The following KCNH5 variants were observed in gnomAD, a reference collection of about 807,000 sequenced individuals.
The protein encoded by KCNH5 is potassium voltage-gated channel subfamily H member 5, also known as voltage-gated delayed rectifier potassium channel KCNH5.
Under a neutral mutation model 96.1 loss-of-function variants are expected in KCNH5, and 46 were observed. The observed-to-expected ratio is 0.48, with a 90% CI of 0.38 to 0.61. The LOEUF is 0.61. KCNH5 is among the 20% of genes least tolerant of loss of function. KCNH5 has a pLI of 0.00. For missense variants in KCNH5, 907 were observed against 1,225.8 expected (o/e 0.74, Z 3.88); for synonymous variants, 439 against 449.8 (o/e 0.98, Z 0.30).
intron 9 of KCNH5, 91 bp downstream of exon 9, chr14:62,802,238 A>G: frequency 7.3e-7 from 1 of 1,367,362 alleles, no homozygotes. Context: ...AAGTTACCAA[A>G]CAAAGGAAAT....
intron 4 of KCNH5, among the ~76,000 whole-genome samples, chr14:62,997,913 A>AATT (rs1890939049): frequency 6.7e-6 from 1 of 149,944 alleles, no homozygotes; most frequent in African/African-American, 2.5e-5. Flanking sequence ...AAAAAAAAAA[A>AATT]AAAAAAATTA....
intron 1 of KCNH5, among the ~76,000 whole-genome samples, chr14:63,024,200 C>T (rs1437987036): frequency 7.1e-6 from 1 of 140,540 alleles, no homozygotes; most frequent in Admixed American, 7.0e-5. Context: ...TAGAGTGAGA[C>T]TCCATCTCAA....
chr14:62,854,758 T>G (rs568200176), intron 7 of KCNH5, among the ~76,000 whole-genome samples: 2 of 151,982 alleles, frequency 1.3e-5, no homozygotes, highest in South Asian at 4.2e-4. Flanking sequence ...AAGGTCTTAG[T>G]AAATCTGGCA....
chr14:63,025,511 A>T (rs2139617351), intron 1 of KCNH5, among the ~76,000 whole-genome samples: 1 of 152,210 alleles, frequency 6.6e-6, no homozygotes, highest in Middle Eastern at 3.4e-3. Flanking sequence ...GAACTAATAA[A>T]CAAGTTCAGT....
chr14:62,922,014 ATATAAT>A (rs148564979), intron 7 of KCNH5, among the ~76,000 whole-genome samples: 1,634 of 152,216 alleles, frequency 0.011, 25 homozygotes, highest in African/African-American at 0.037. Context: ...AGGTAGGACT[ATATAAT>A]TATGTCTAGA....
chr14:62,837,149 C>A (rs889426831), intron 8 of KCNH5, among the ~76,000 whole-genome samples: 5 of 152,122 alleles, frequency 3.3e-5, no homozygotes, highest in Admixed American at 6.5e-5. Flanking sequence ...CTGCACTCTT[C>A]CAGGTGGCCC....
At chr14:63,026,122 T>A (rs2139618076) in intron 1 of KCNH5, among the ~76,000 whole-genome samples, 1 of 152,142 alleles carries the variant, frequency 6.6e-6, no homozygotes. Context: ...GAAAGGGCAA[T>A]CTCTTCAATC....
At chr14:63,026,748 C>A (rs1891531442) in intron 1 of KCNH5, among the ~76,000 whole-genome samples, 1 of 151,950 alleles carries the variant, frequency 6.6e-6, no homozygotes, top group Non-Finnish European at 1.5e-5. Context: ...TTCTACACTG[C>A]TGGTAGGAAT....
intron 1 of KCNH5, among the ~76,000 whole-genome samples, chr14:63,019,187 A>C (rs1238779317): frequency 6.6e-6 from 1 of 152,058 alleles, no homozygotes; most frequent in East Asian, 1.9e-4. Flanking sequence ...CAACTCAGTA[A>C]ACCACAAGAG....
intron 7 of KCNH5, among the ~76,000 whole-genome samples, chr14:62,922,529 C>T (rs1281029870): frequency 6.6e-6 from 1 of 151,914 alleles, no homozygotes; most frequent in Non-Finnish European, 1.5e-5. Context: ...CCCTGATGAA[C>T]ATAGATGCAA....
chr14:63,009,068 C>T (rs2139599975), intron 2 of KCNH5, among the ~76,000 whole-genome samples: 1 of 152,180 alleles, frequency 6.6e-6, no homozygotes, highest in African/African-American at 2.4e-5. Context: ...CACACTGCTA[C>T]TAAATGACAG....
chr14:62,763,965 G>A (rs1411209123), intron 10 of KCNH5, among the ~76,000 whole-genome samples: 1 of 152,004 alleles, frequency 6.6e-6, no homozygotes, highest in Non-Finnish European at 1.5e-5. Flanking sequence ...ATAAAGAAAA[G>A]CTGGTACCAA....
chr14:62,714,497 T>A (rs560009667), intron 10 of KCNH5, among the ~76,000 whole-genome samples: 38 of 152,324 alleles, frequency 2.5e-4, no homozygotes, highest in African/African-American at 8.9e-4. Flanking sequence ...CATAATCCAA[T>A]TGAATCTTTC....
At chr14:62,880,220 T>A (rs1017931670) in intron 7 of KCNH5, among the ~76,000 whole-genome samples, 1 of 152,182 alleles carries the variant, frequency 6.6e-6, no homozygotes, top group Non-Finnish European at 1.5e-5. Flanking sequence ...TTCTATGGAA[T>A]AGACAGTGGC....
chr14:62,767,521 A>C (rs1355066074), intron 10 of KCNH5, among the ~76,000 whole-genome samples: 4 of 152,246 alleles, frequency 2.6e-5, no homozygotes, highest in African/African-American at 9.6e-5. Context: ...TGTTCTTTGC[A>C]GTAATGCAGA....
chr14:62,967,883 C>T (rs375659001), intron 6 of KCNH5, among the ~76,000 whole-genome samples: 1 of 152,046 alleles, frequency 6.6e-6, no homozygotes, highest in Non-Finnish European at 1.5e-5. Context: ...TGATGCTTAA[C>T]AATAGGAACA....
intron 10 of KCNH5, among the ~76,000 whole-genome samples, chr14:62,738,457 A>T (rs977306386): frequency 1.3e-5 from 2 of 152,154 alleles, no homozygotes; most frequent in African/African-American, 4.8e-5. Flanking sequence ...GCTCATTATG[A>T]GTGAATGAGA....
intron 6 of KCNH5, among the ~76,000 whole-genome samples, chr14:62,957,746 G>T (rs1430862859): frequency 2.0e-5 from 3 of 152,158 alleles, no homozygotes; most frequent in Non-Finnish European, 4.4e-5. Flanking sequence ...AGGCTTTGGG[G>T]GATGAGAGAC....
At chr14:62,859,093 G>A (rs1189348561) in intron 7 of KCNH5, among the ~76,000 whole-genome samples, 4 of 152,182 alleles carry the variant, frequency 2.6e-5, no homozygotes, top group African/African-American at 9.6e-5. Context: ...AGCACTGCAT[G>A]CAGGATAGGC....
Sources: gnomAD v4.1 joint callset for allele counts (sites outside exome capture counted in the v4.1 genomes callset) on GRCh38, gnomAD v4.1.1 for gene constraint, MANE v1.5 for transcripts, NCBI Gene and HGNC (gene_info 2026-07-23, HGNC 2026-07-21) for gene names.